The following POF1B variants were observed in gnomAD, a reference collection of about 807,000 sequenced individuals.
POF1B encodes the protein protein POF1B.
In POF1B, 53 loss-of-function variants were observed where a neutral mutation model predicts 55.3. The ratio of observed to expected loss-of-function variants is 0.96; its 90% CI spans 0.77 to 1.20. The LOEUF (loss-of-function observed/expected upper bound fraction) is 1.20. Ranked by LOEUF, POF1B falls within the 50% of genes most tolerant of loss-of-function variation. POF1B has a pLI of 0.00. For missense variants in POF1B, 478 were observed against 420.5 expected (o/e 1.14, Z -1.20); for synonymous variants, 188 against 148.3 (o/e 1.27, Z -1.95).
intron 11 of POF1B, among the ~76,000 whole-genome samples, chrX:85,306,686 A>G (rs1312002480): frequency 9.0e-6 from 1 of 111,675 alleles, no homozygotes; most frequent in East Asian, 2.8e-4. Context: ...CTGAGCAAGA[A>G]TTTGGGACAG....
In POF1B at chrX:85,279,254, A is replaced by G; in HGVS notation, c.*167T>C. The G allele has an allele frequency of 2.1e-6, 1 of 469,835 alleles. No homozygotes were observed. 38.7% of individuals were successfully genotyped at this position (469,835 alleles called of 1,213,427 possible). On this transcript the variant is annotated 3_prime_UTR_variant, in exon 17 of 17. Coordinates refer to ENST00000262753, the MANE Select transcript of POF1B (RefSeq NM_024921.4). ...ATTTAGGTCTCATAAATGGGTGAAGAAATTGTCATCTACAGAACTAATTCA... is the reference window on the plus strand; with the variant it reads ...ATTTAGGTCTCATAAATGGGTGAAGGAATTGTCATCTACAGAACTAATTCA...
At chrX:85,310,841 C>T (rs1363152287) in intron 9 of POF1B, among the ~76,000 whole-genome samples, 1 of 111,988 alleles carries the variant, frequency 8.9e-6, no homozygotes, top group South Asian at 3.7e-4. Context: ...ATTTTCAAAG[C>T]AGCAAGAAAA....
At chrX:85,307,760 C>G (rs1173800638) in intron 10 of POF1B, among the ~76,000 whole-genome samples, 1 of 111,188 alleles carries the variant, frequency 9.0e-6, no homozygotes, top group African/African-American at 3.3e-5. Flanking sequence ...AAAATGTTTT[C>G]AAGTTATTAT....
rs3747427 is a variant in POF1B, at chrX:85,379,533, A to G, written c.-41-38T>C. On this transcript the variant is annotated intron_variant, in intron 1 of 16. Transcript: ENST00000262753. Reference sequence around the variant, plus strand: ...CAGAGAAATATAATGGAAAAAAAAGACAGGCAAGCAGGCAGTCAGGCAGGC... The same window carrying G: ...CAGAGAAATATAATGGAAAAAAAAGGCAGGCAAGCAGGCAGTCAGGCAGGC... 17,444 of 1,060,115 alleles carry G rather than the reference A, an allele frequency of 0.016. 1,043 individuals carry two copies. The African/African-American group carries it at 0.22, about 13-fold the overall frequency. The allele number at this position is 1,060,115 out of a possible 1,213,427, so 87.4% of individuals were successfully genotyped here. A position where few individuals can be genotyped will look rare whatever the true frequency, so the allele number is the denominator to read the frequency against.
rs776215973 is a variant in POF1B, at chrX:85,349,506, TAATC to T, written c.540+1840_540+1843del. Among the ~76,000 whole-genome samples the T allele has an allele frequency of 2.5e-4, 28 of 111,140 alleles. No individual in the cohort carries two copies. In the East Asian group the frequency reaches 8.0e-3, roughly 32 times the overall value. Reference sequence around the variant, plus strand: ...TTTAGAGACAGAGTCTTTATAGAGATAATCAAGTCATTAGGATGGCCCTAATAAA... The same window carrying T: ...TTTAGAGACAGAGTCTTTATAGAGATAAGTCATTAGGATGGCCCTAATAAA... On this transcript the variant is annotated intron_variant, in intron 5 of 16. Transcript: ENST00000262753.
At chrX:85,342,297 T>C (rs192447843) in intron 6 of POF1B, among the ~76,000 whole-genome samples, 1 of 112,088 alleles carries the variant, frequency 8.9e-6, no homozygotes, top group Admixed American at 9.5e-5. Flanking sequence ...AAAATATTTT[T>C]AATGCCTTTC....
chrX:85,315,386 C>G (rs1482840197), intron 8 of POF1B, among the ~76,000 whole-genome samples: 2 of 110,850 alleles, frequency 1.8e-5, no homozygotes, highest in Non-Finnish European at 3.8e-5. Flanking sequence ...TGAAACATCT[C>G]TTGTACCCCA....
chrX:85,328,561 G>A (rs1932927849), intron 7 of POF1B, among the ~76,000 whole-genome samples: 1 of 110,806 alleles, frequency 9.0e-6, no homozygotes, highest in South Asian at 3.8e-4. Flanking sequence ...TTTTCCTAAG[G>A]AAAATTGGTT....
intron 7 of POF1B, among the ~76,000 whole-genome samples, chrX:85,324,604 T>A (rs1932877164): frequency 9.0e-6 from 1 of 111,633 alleles, no homozygotes; most frequent in Non-Finnish European, 1.9e-5. Context: ...ATGGGTGTCA[T>A]TTTATGTCAC....
chrX:85,299,996 C>T (rs1932408538), intron 15 of POF1B, among the ~76,000 whole-genome samples: 1 of 112,535 alleles, frequency 8.9e-6, no homozygotes, highest in Non-Finnish European at 1.9e-5. Context: ...TTTGCAAATC[C>T]TTTTTCCTGG....
At chrX:85,376,348 C>T (rs186349105) in intron 2 of POF1B, among the ~76,000 whole-genome samples, 300 of 111,569 alleles carry the variant, frequency 2.7e-3, no homozygotes, top group African/African-American at 9.4e-3. Flanking sequence ...AACAGCTAAG[C>T]TTTGTAAAAG....
intron 15 of POF1B, among the ~76,000 whole-genome samples, chrX:85,302,992 G>C (rs924580932): frequency 9.0e-6 from 1 of 111,425 alleles, no homozygotes; most frequent in Admixed American, 9.5e-5. Flanking sequence ...ACACAGGAAA[G>C]AGCAGAGCCA....
In POF1B at chrX:85,379,365, G is replaced by A; in HGVS notation, c.90C>T (p.Tyr30=). ...PEVLQCQPQH[Y]HCYHQSSQAQ... is the part of the protein sequence containing the mutation. ...CTTGGCTTGACTGATGGTAGCAGTG[G>A]TAATGCTGGGGCTGGCACTGCAGCA... Residue 30 remains tyrosine, a synonymous_variant, in exon 2 of 17, where the codon TAC becomes TAT. Transcript: ENST00000262753. The A allele has an allele frequency of 1.7e-6, 2 of 1,210,055 alleles. No homozygotes were observed. Among genetic ancestry groups the A allele is most frequent in the Admixed American group, 4.4e-5 (2 of 45,830 alleles).
At chrX:85,296,880 T>A (rs1051063976) in intron 15 of POF1B, among the ~76,000 whole-genome samples, 2 of 112,311 alleles carry the variant, frequency 1.8e-5, no homozygotes, top group Non-Finnish European at 3.8e-5. Context: ...CAATTAGTTT[T>A]AGGTTAGTCT....
intron 7 of POF1B, among the ~76,000 whole-genome samples, chrX:85,320,601 C>T (rs1476098710): frequency 9.0e-5 from 10 of 111,155 alleles, no homozygotes; most frequent in Non-Finnish European, 1.9e-5. Flanking sequence ...CAGAGCAGAA[C>T]TGAAGGAAAT....
intron 2 of POF1B, among the ~76,000 whole-genome samples, chrX:85,370,736 C>G (rs1933805745): frequency 9.0e-6 from 1 of 111,371 alleles, no homozygotes; most frequent in Non-Finnish European, 1.9e-5. Context: ...AAGATTGCAG[C>G]AAGTCATCCC....
chrX:85,337,531 G>A (rs1933098512), intron 6 of POF1B, among the ~76,000 whole-genome samples: 1 of 111,107 alleles, frequency 9.0e-6, no homozygotes, highest in Non-Finnish European at 1.9e-5. Context: ...ACAATCGGTG[G>A]AAGCTTCTCT....
intron 4 of POF1B, among the ~76,000 whole-genome samples, chrX:85,353,305 G>A (rs1933425831): frequency 9.0e-6 from 1 of 111,073 alleles, no homozygotes; most frequent in East Asian, 2.9e-4. Context: ...GGTTCTTCAA[G>A]CAGTGAGAAG....
At chrX:85,332,978 CAT>C (rs1933005486) in intron 6 of POF1B, among the ~76,000 whole-genome samples, 2 of 111,126 alleles carry the variant, frequency 1.8e-5, no homozygotes, top group African/African-American at 3.3e-5. Context: ...ACAAGTAGTG[CAT>C]ATATAGAGAT....
Sources: gnomAD v4.1 joint callset for allele counts (sites outside exome capture counted in the v4.1 genomes callset) on GRCh38, gnomAD v4.1.1 for gene constraint, MANE v1.5 for transcripts, NCBI Gene and HGNC (gene_info 2026-07-23, HGNC 2026-07-21) for gene names.